The following GAS2 variants were observed in gnomAD, a reference collection of about 807,000 sequenced individuals.
GAS2 encodes the protein growth arrest specific 2.
Under a neutral mutation model 37.5 loss-of-function variants are expected in GAS2, and 20 were observed. The ratio of observed to expected loss-of-function variants is 0.53; its 90% CI spans 0.37 to 0.77. The LOEUF is 0.77. Ranked by LOEUF, GAS2 falls within the 30% of genes least tolerant of loss-of-function variation. GAS2 has a pLI of 0.00. For synonymous variants in GAS2, 144 were observed against 132.2 expected (o/e 1.09, Z -0.61); for missense variants, 336 against 373.4 (o/e 0.90, Z 0.82).
chr11:22,630,561 G>C (rs1263583879), intron 1 of GAS2, among the ~76,000 whole-genome samples: 1 of 152,140 alleles, frequency 6.6e-6, no homozygotes, highest in Non-Finnish European at 1.5e-5. Flanking sequence ...ATCTGACAAA[G>C]GGCTAATATC....
chr11:22,697,091 T>A (rs1214476456), intron 3 of GAS2, among the ~76,000 whole-genome samples: 4 of 152,208 alleles, frequency 2.6e-5, no homozygotes, highest in African/African-American at 9.7e-5. Context: ...AAGGTTTAAG[T>A]CTTTAATCCA....
At chr11:22,787,465 A>G (rs1163360498) in intron 7 of GAS2, among the ~76,000 whole-genome samples, 1 of 152,126 alleles carries the variant, frequency 6.6e-6, no homozygotes, top group Non-Finnish European at 1.5e-5. Flanking sequence ...ATAGTTATGT[A>G]TACATAATTG....
intron 7 of GAS2, among the ~76,000 whole-genome samples, chr11:22,805,384 C>T (rs554508691): frequency 7.4e-4 from 112 of 152,096 alleles, no homozygotes; most frequent in African/African-American, 2.6e-3. Flanking sequence ...TCTTAACATC[C>T]ACTCTTTTTG....
At chr11:22,681,141 G>A (rs921308899) in intron 2 of GAS2, among the ~76,000 whole-genome samples, 1 of 152,116 alleles carries the variant, frequency 6.6e-6, no homozygotes, top group Non-Finnish European at 1.5e-5. Context: ...CAGCAACTTG[G>A]AAGATTAAAA....
chr11:22,684,715 T>C (rs1414257436), intron 2 of GAS2, among the ~76,000 whole-genome samples: 1 of 152,120 alleles, frequency 6.6e-6, no homozygotes, highest in Non-Finnish European at 1.5e-5. Context: ...CATGCAGGCA[T>C]GCACCACCAT....
intron 7 of GAS2, among the ~76,000 whole-genome samples, chr11:22,800,276 AT>A (rs1199283913): frequency 6.6e-6 from 1 of 152,068 alleles, no homozygotes; most frequent in East Asian, 1.9e-4. Flanking sequence ...AATTTTCCAC[AT>A]TATGTATGCT....
intron 1 of GAS2, among the ~76,000 whole-genome samples, chr11:22,650,978 T>C (rs1197817895): frequency 6.6e-6 from 1 of 152,178 alleles, no homozygotes; most frequent in Non-Finnish European, 1.5e-5. Context: ...TAGCTGGTTA[T>C]TTTGCTCATT....
chr11:22,659,771 A>T (rs1173547409), intron 1 of GAS2, among the ~76,000 whole-genome samples: 1 of 152,152 alleles, frequency 6.6e-6, no homozygotes, highest in Non-Finnish European at 1.5e-5. Flanking sequence ...AGACATTTTT[A>T]AAAATGATAT....
Position 22,743,652 on chromosome 11 carries a change from C to T in GAS2, c.474-5468C>T, listed in dbSNP as rs562920273. On this transcript the variant is annotated intron_variant, in intron 5 of 7. Transcript: ENST00000454584. ...GCTACAACAGACCTTGAGAACAGGC[C>T]ATTTTCATTTCTACTTTTCTGATGG... Among the ~76,000 whole-genome samples, 4 of 152,082 alleles carry T rather than the reference C, an allele frequency of 2.6e-5. No individual in the cohort carries two copies. The East Asian group carries it at 7.7e-4, about 29-fold the overall frequency.
intron 1 of GAS2, among the ~76,000 whole-genome samples, chr11:22,641,140 G>C (rs1026005041): frequency 1.3e-5 from 2 of 149,754 alleles, no homozygotes; most frequent in African/African-American, 2.4e-5. Context: ...CTGGAGGAGG[G>C]AGGTTAAGGA....
chr11:22,652,699 C>T (rs1590574214), intron 1 of GAS2, among the ~76,000 whole-genome samples: 1 of 152,224 alleles, frequency 6.6e-6, no homozygotes, highest in African/African-American at 2.4e-5. Context: ...TGCCGTCTGT[C>T]ACCCCTTTCT....
intron 3 of GAS2, among the ~76,000 whole-genome samples, chr11:22,725,647 G>T (rs1003750809): frequency 2.3e-4 from 35 of 151,982 alleles, no homozygotes; most frequent in African/African-American, 8.5e-4. Context: ...GGTTAGTCAC[G>T]AACTCCTGGA....
intron 1 of GAS2, among the ~76,000 whole-genome samples, chr11:22,637,733 A>AATTAT (rs1233834997): frequency 3.6e-4 from 51 of 142,180 alleles, no homozygotes; most frequent in African/African-American, 1.2e-3. Context: ...TAGTAATAAT[A>AATTAT]ATTATTTATA....
At chr11:22,730,618 C>A (rs536825868) in intron 4 of GAS2, among the ~76,000 whole-genome samples, 118 of 151,670 alleles carry the variant, frequency 7.8e-4, no homozygotes, top group African/African-American at 2.7e-3. Flanking sequence ...TCATTAGATT[C>A]CTTTAAAATA....
intron 3 of GAS2, among the ~76,000 whole-genome samples, chr11:22,717,069 T>G (rs115301432): frequency 0.015 from 2,345 of 152,172 alleles, 73 homozygotes; most frequent in African/African-American, 0.054. Context: ...ATGACCATAC[T>G]TCCAAAAGCA....
At chr11:22,698,037 A>C (rs1415594647) in intron 3 of GAS2, among the ~76,000 whole-genome samples, 1 of 152,154 alleles carries the variant, frequency 6.6e-6, no homozygotes, top group African/African-American at 2.4e-5. Context: ...TTCAAAGGGA[A>C]TGCTTCCAGT....
At chr11:22,675,512 T>C (rs1849387135) in intron 2 of GAS2, among the ~76,000 whole-genome samples, 1 of 152,178 alleles carries the variant, frequency 6.6e-6, no homozygotes, top group African/African-American at 2.4e-5. Context: ...AACTAAAATT[T>C]TTCTTTTCCA....
chr11:22,759,133 T>TAAC (rs766148311), intron 7 of GAS2, among the ~76,000 whole-genome samples: 6 of 152,058 alleles, frequency 3.9e-5, no homozygotes, highest in Non-Finnish European at 8.8e-5. Context: ...ACAGATACAG[T>TAAC]AACAACAACT....
intron 5 of GAS2, among the ~76,000 whole-genome samples, chr11:22,742,585 C>G (rs186844291): frequency 9.2e-5 from 14 of 152,142 alleles, no homozygotes; most frequent in African/African-American, 2.9e-4. Flanking sequence ...TTGAAGTATT[C>G]AAAAGCCAAT....
Sources: gnomAD v4.1 joint callset for allele counts (sites outside exome capture counted in the v4.1 genomes callset) on GRCh38, gnomAD v4.1.1 for gene constraint, MANE v1.5 for transcripts, NCBI Gene and HGNC (gene_info 2026-07-23, HGNC 2026-07-21) for gene names.